The following CEP83 variants were observed in gnomAD, a reference collection of about 807,000 sequenced individuals.
CEP83 encodes centrosomal protein 83.
CEP83 carries 70 observed loss-of-function variants against 101.9 expected under a neutral mutation model. The observed-to-expected ratio is 0.69, with a 90% CI of 0.57 to 0.84. CEP83 has a LOEUF of 0.84. CEP83 is among the 40% of genes least tolerant of loss of function. The probability of loss-of-function intolerance (pLI) is 0.00; values close to 1 mark genes in which losing one functional copy is unlikely to be tolerated. For synonymous variants in CEP83, 264 were observed against 267.9 expected, an observed-to-expected ratio of 0.99 and a Z score of 0.14; for missense variants, 715 against 787.2, an observed-to-expected ratio of 0.91 and a Z score of 1.10.
At chr12:94,449,172 T>C (rs1164400854) in intron 1 of CEP83, among the ~76,000 whole-genome samples, 6 of 152,108 alleles carry the variant, frequency 3.9e-5, no homozygotes, top group African/African-American at 1.2e-4. Flanking sequence ...TTAGATAATT[T>C]ATATGAAATG....
At chr12:94,281,781 A>G in the CEP83 span, 1 of 154,054 alleles carries the variant, frequency 6.5e-6, no homozygotes, top group Non-Finnish European at 1.4e-5. Context: ...TAATAATTAA[A>G]CACCATGCAG....
intron 11 of CEP83, among the ~76,000 whole-genome samples, chr12:94,349,293 A>T (rs2060094810): frequency 6.6e-6 from 1 of 151,734 alleles, no homozygotes; most frequent in African/African-American, 2.4e-5. Flanking sequence ...CTCAAAAAAA[A>T]AAAAAAAAAG....
chr12:94,303,225 G>A (rs761243735), downstream of CEP83, among the ~76,000 whole-genome samples: 2 of 152,136 alleles, frequency 1.3e-5, no homozygotes, highest in Non-Finnish European at 2.9e-5. Context: ...GTGCTTCCCT[G>A]AAGAAACTGG....
chr12:94,450,951 G>T (rs1468769056), intron 1 of CEP83, among the ~76,000 whole-genome samples: 1 of 152,136 alleles, frequency 6.6e-6, no homozygotes, highest in African/African-American at 2.4e-5. Context: ...CTATAAAACT[G>T]CAGTAATCAA....
intron 14 of CEP83, among the ~76,000 whole-genome samples, chr12:94,329,285 G>C (rs2059108572): frequency 1.3e-5 from 2 of 150,010 alleles, no homozygotes; most frequent in African/African-American, 4.9e-5. Flanking sequence ...ATTTTTTTTT[G>C]AGATAGGGTC....
At chr12:94,312,786 T>C in intron 15 of CEP83, 128 bp downstream of exon 15, 1 of 1,270,070 alleles carries the variant, frequency 7.9e-7, no homozygotes, top group Non-Finnish European at 1.0e-6. Context: ...ACATTAGGAG[T>C]TATCAAGCTG....
At chr12:94,349,303 GA>G (rs943420506) in intron 11 of CEP83, among the ~76,000 whole-genome samples, 38 of 139,362 alleles carry the variant, frequency 2.7e-4, no homozygotes, top group Non-Finnish European at 4.5e-4. Context: ...AAAAAAAAAA[GA>G]AAAAAAGTTT....
chr12:94,437,610 A>G (rs1311309662), intron 1 of CEP83, among the ~76,000 whole-genome samples: 2 of 152,252 alleles, frequency 1.3e-5, no homozygotes, highest in Non-Finnish European at 2.9e-5. Context: ...TTATCAGCCA[A>G]TAATTCCATA....
chr12:94,303,652 G>A, downstream of CEP83: 1 of 1,008,258 alleles, frequency 9.9e-7, no homozygotes, highest in South Asian at 2.0e-5. Context: ...CTGGTTGGTG[G>A]TGGGGGTTCA....
Position 94,385,048 on chromosome 12 carries a change from A to T in CEP83, c.550-6006T>A, listed in dbSNP as rs574821570. On this transcript the variant is annotated intron_variant, in intron 6 of 16. Coordinates refer to ENST00000397809, the MANE Select transcript of CEP83 (RefSeq NM_016122.3). ...TTAGCTGGCTTTTTGTGATATTGCT[A>T]TGGTAGGGGATGGGTGGTGTTGCCA... 2.0e-5 allele frequency among the ~76,000 whole-genome samples: 3 copies of T among 152,236 alleles called. No homozygotes were observed. The South Asian group carries it at 6.2e-4, about 32-fold the overall frequency.
intron 14 of CEP83, among the ~76,000 whole-genome samples, chr12:94,324,845 T>C (rs760068745): frequency 1.3e-5 from 2 of 152,208 alleles, no homozygotes; most frequent in East Asian, 1.9e-4. Context: ...TCTTCAAAAA[T>C]GTAATTCAGA....
At chr12:94,343,460 T>G (rs1025384706) in intron 11 of CEP83, among the ~76,000 whole-genome samples, 3 of 142,718 alleles carry the variant, frequency 2.1e-5, no homozygotes, top group Admixed American at 1.4e-4. Flanking sequence ...GCAATAAAGC[T>G]AGAAATTAAC....
chr12:94,291,570 A>C, the CEP83 span, among the ~76,000 whole-genome samples: 2 of 152,220 alleles, frequency 1.3e-5, no homozygotes, highest in Admixed American at 1.3e-4. Flanking sequence ...ATTCGTTTAA[A>C]GTATACAATA....
chr12:94,413,654 GA>G (rs2064051856), intron 2 of CEP83, among the ~76,000 whole-genome samples: 1 of 151,990 alleles, frequency 6.6e-6, no homozygotes, highest in Non-Finnish European at 1.5e-5. Context: ...ACTGTGTTAA[GA>G]AAACTAAATC....
intron 6 of CEP83, among the ~76,000 whole-genome samples, chr12:94,379,377 T>C (rs2061713404): frequency 4.6e-5 from 7 of 152,182 alleles, no homozygotes. Flanking sequence ...TAGGGGTTCA[T>C]GACCAAAACT....
the CEP83 span, among the ~76,000 whole-genome samples, chr12:94,299,628 C>CGCGA: frequency 6.6e-6 from 1 of 151,734 alleles, no homozygotes; most frequent in African/African-American, 2.4e-5. Flanking sequence ...GGTGGGATCT[C>CGCGA]GGTTCACTGC....
chr12:94,430,102 G>C (rs2065509772), intron 2 of CEP83, among the ~76,000 whole-genome samples: 1 of 151,816 alleles, frequency 6.6e-6, no homozygotes, highest in South Asian at 2.1e-4. Context: ...CCCCATGCCA[G>C]AGCACACAAT....
chr12:94,330,280 A>G (rs1246412037), intron 14 of CEP83, among the ~76,000 whole-genome samples: 3 of 152,090 alleles, frequency 2.0e-5, no homozygotes, highest in Admixed American at 1.3e-4. Flanking sequence ...TAACACGCAC[A>G]CACACACACA....
the CEP83 span, among the ~76,000 whole-genome samples, chr12:94,288,672 T>A: frequency 2.0e-5 from 3 of 152,234 alleles, no homozygotes; most frequent in Non-Finnish European, 4.4e-5. Context: ...CTCAGCAAGG[T>A]TATCCCTCAA....
Sources: gnomAD v4.1 joint callset for allele counts (sites outside exome capture counted in the v4.1 genomes callset) on GRCh38, gnomAD v4.1.1 for gene constraint, MANE v1.5 for transcripts, NCBI Gene and HGNC (gene_info 2026-07-23, HGNC 2026-07-21) for gene names.